Variants in ZNF69 observed in about 807,000 individuals in gnomAD.
ZNF69 encodes the protein ZNF3.
Under a neutral mutation model 50.9 loss-of-function variants are expected in ZNF69, and 47 were observed. That is an observed-to-expected ratio of 0.92 (90% CI 0.73 to 1.18). The LOEUF is 1.18. ZNF69 is among the 50% of genes most tolerant of loss of function. The pLI, the probability that ZNF69 is intolerant of heterozygous loss-of-function variation, is 0.00. For missense variants in ZNF69, 717 were observed against 675.1 expected (o/e 1.06, Z -0.69); for synonymous variants, 216 against 223.1 (o/e 0.97, Z 0.29).
At chr19:11,979,214 C>G in the ZNF69 span, 1 of 1,611,816 alleles carries the variant, frequency 6.2e-7, no homozygotes, top group Non-Finnish European at 8.5e-7. Context: ...TGTGGTAAAG[C>G]CTTCAATCTT....
chr19:11,932,503 G>T, the ZNF69 span, among the ~76,000 whole-genome samples: 17 of 148,268 alleles, frequency 1.1e-4, 1 homozygote, highest in Non-Finnish European at 1.9e-4. Context: ...GTTGCACAAT[G>T]AATCCAAATA....
chr19:11,936,323 ATTTC>A, the ZNF69 span, among the ~76,000 whole-genome samples: 1 of 151,914 alleles, frequency 6.6e-6, no homozygotes, highest in East Asian at 1.9e-4. Flanking sequence ...AAGTGTTCCT[ATTTC>A]TCCACATCCT....
the ZNF69 span, among the ~76,000 whole-genome samples, chr19:11,945,142 AG>A: frequency 1.4e-4 from 21 of 152,334 alleles, no homozygotes; most frequent in African/African-American, 5.1e-4. Context: ...AGGTAGCCCC[AG>A]GGCTGGGACT....
Position 11,904,758 on chromosome 19 carries a change from C to T in ZNF69, c.361C>T (p.Pro121Ser). 1 of 1,613,930 alleles carries T rather than the reference C, an allele frequency of 6.2e-7. No individual in the cohort carries two copies. The change falls in exon 4 of 4, where the codon CCT becomes TCT. Residue 121 changes from proline (P) to serine (S), a missense_variant. Coordinates refer to ENST00000429654, the MANE Select transcript of ZNF69 (RefSeq NM_001364730.1). ...GAACTTCCAGGAGAAGAAAGCTTCT[C>T]CTGAAATAAAATCATGTGACAGCTT... ...RLNFQEKKAS[P>S]EIKSCDSFVC...
chr19:11,890,673 T>C (rs1977063828), intron 1 of ZNF69, among the ~76,000 whole-genome samples: 1 of 152,214 alleles, frequency 6.6e-6, no homozygotes. Flanking sequence ...TTGGCCAGGC[T>C]GTTCTCGAAC....
the ZNF69 span, among the ~76,000 whole-genome samples, chr19:11,933,364 A>G: frequency 6.7e-6 from 1 of 148,336 alleles, no homozygotes; most frequent in Non-Finnish European, 1.5e-5. Context: ...TGAAGAAGCC[A>G]ATATTATTAT....
At chr19:11,947,493 T>A in the ZNF69 span, 2 of 1,611,492 alleles carry the variant, frequency 1.2e-6, no homozygotes, top group Non-Finnish European at 1.7e-6. Flanking sequence ...TCAGGACTAT[T>A]TTTCTGTGTC....
chr19:11,949,353 G>C, the ZNF69 span: 1 of 1,613,810 alleles, frequency 6.2e-7, no homozygotes, highest in Non-Finnish European at 8.5e-7. Context: ...ACACTGGAGA[G>C]AAACCCTATG....
chr19:11,963,019 T>C, the ZNF69 span, among the ~76,000 whole-genome samples: 1 of 151,488 alleles, frequency 6.6e-6, no homozygotes, highest in South Asian at 2.1e-4. Flanking sequence ...TCACCACCTG[T>C]TATGTTTTAC....
At chr19:11,914,001 A>C (rs1413508890) in exon 5 of ZNF69, 1 of 152,182 alleles carries the variant, frequency 6.6e-6, no homozygotes, top group Non-Finnish European at 1.5e-5. Flanking sequence ...GCATCGTCTC[A>C]TATGCCTGGT....
At chr19:11,898,887 T>C (rs1467089948) in intron 1 of ZNF69, among the ~76,000 whole-genome samples, 1 of 152,200 alleles carries the variant, frequency 6.6e-6, no homozygotes. Flanking sequence ...GTGTAGTGTA[T>C]CCTACAACTT....
the ZNF69 span, among the ~76,000 whole-genome samples, chr19:11,923,382 C>T: frequency 6.6e-6 from 1 of 152,210 alleles, no homozygotes; most frequent in African/African-American, 2.4e-5. Flanking sequence ...TAGCTACTGG[C>T]TCACACAAGC....
At chr19:11,917,007 G>T (rs1034959420), downstream of ZNF69, among the ~76,000 whole-genome samples, 1 of 152,186 alleles carries the variant, frequency 6.6e-6, no homozygotes, top group African/African-American at 2.4e-5. Context: ...TAAGTGAACT[G>T]TGGGTAGTTC....
intron 4 of ZNF69, among the ~76,000 whole-genome samples, chr19:11,912,289 A>G (rs996208187): frequency 6.6e-6 from 1 of 152,202 alleles, no homozygotes; most frequent in Non-Finnish European, 1.5e-5. Context: ...TGTGAATGTA[A>G]GCATTGTGGG....
chr19:11,963,088 A>AGTGTGTGTGTGT, the ZNF69 span, among the ~76,000 whole-genome samples: 1,285 of 138,286 alleles, frequency 9.3e-3, 17 homozygotes, highest in Middle Eastern at 0.038. Context: ...AGAGAGAGAG[A>AGTGTGTGTGTGT]GTGTGTGTGT....
At chr19:11,910,716 A>G (rs981399858), downstream of ZNF69, among the ~76,000 whole-genome samples, 7 of 152,306 alleles carry the variant, frequency 4.6e-5, no homozygotes, top group Admixed American at 1.3e-4. Context: ...AACCATAAAA[A>G]CCCTAGAAGA....
the ZNF69 span, among the ~76,000 whole-genome samples, chr19:11,934,582 A>C: frequency 6.8e-6 from 1 of 147,036 alleles, no homozygotes. Context: ...GCTGGAGTGC[A>C]ATGGCGCAAT....
chr19:11,938,632 A>C, the ZNF69 span, among the ~76,000 whole-genome samples: 1 of 152,178 alleles, frequency 6.6e-6, no homozygotes, highest in Non-Finnish European at 1.5e-5. Flanking sequence ...CTAGCCTATG[A>C]CATCTGGGTT....
chr19:11,904,317 C>A (rs557381359), intron 3 of ZNF69, among the ~76,000 whole-genome samples: 7 of 152,164 alleles, frequency 4.6e-5, no homozygotes, highest in Non-Finnish European at 8.8e-5. Context: ...CCAGTAAAGG[C>A]TGCAGTAAGC....
Sources: gnomAD v4.1 joint callset for allele counts (sites outside exome capture counted in the v4.1 genomes callset) on GRCh38, gnomAD v4.1.1 for gene constraint, MANE v1.5 for transcripts, NCBI Gene and HGNC (gene_info 2026-07-23, HGNC 2026-07-21) for gene names.